PCDHA3: variants seen among roughly 807,000 people sequenced by gnomAD.
PCDHA3 encodes the protein protocadherin alpha-3.
PCDHA3 carries 41 observed loss-of-function variants against 62.2 expected under a neutral mutation model. The ratio of observed to expected loss-of-function variants is 0.66; its 90% CI spans 0.51 to 0.86. The LOEUF (loss-of-function observed/expected upper bound fraction) is 0.86. Among genes scored for constraint, PCDHA3 ranks in the 40% least tolerant of loss-of-function variants. PCDHA3 has a pLI of 0.00. For missense variants in PCDHA3, 1,304 were observed against 1,241.2 expected, an observed-to-expected ratio of 1.05 and a Z score of -0.76; for synonymous variants, 640 against 555.4, an observed-to-expected ratio of 1.15 and a Z score of -2.14.
intron 1 of PCDHA3, among the ~76,000 whole-genome samples, chr5:140,970,662 C>T (rs575204326): frequency 6.6e-6 from 1 of 152,268 alleles, no homozygotes; most frequent in South Asian, 2.1e-4. Flanking sequence ...TGTTATCTTT[C>T]CAAATAACTA....
At chr5:140,871,315 C>A (rs908582761) in intron 1 of PCDHA3, 1 of 1,613,928 alleles carries the variant, frequency 6.2e-7, no homozygotes, top group African/African-American at 1.3e-5. Context: ...GAAGCCCACG[C>A]TGGTGTGCTC....
At chr5:140,841,736 A>G in intron 1 of PCDHA3, 1 of 1,613,716 alleles carries the variant, frequency 6.2e-7, no homozygotes, top group Non-Finnish European at 8.5e-7. Context: ...AAAAGACCAA[A>G]AGCTGTTTGT....
At position 140,801,734 on chromosome 5, in the gene PCDHA3, C is replaced by T. The variant is rs1762772241; in HGVS notation, c.537C>T (p.Thr179=). 4 of 1,613,912 alleles carry T rather than the reference C, an allele frequency of 2.5e-6. No individual in the cohort carries two copies. Among genetic ancestry groups the T allele is most frequent in the South Asian group, 2.2e-5 (2 of 91,068 alleles). The change falls in exon 1 of 4, where the codon ACC becomes ACT. Residue 179 remains threonine (T), a synonymous_variant. Transcript: ENST00000522353. ...GTCTTGATTCCACTGAATATTTTAC[C>T]TTGGACGTTAAAAGAAATGATGAGG... is the stretch of plus-strand genomic sequence containing the variant. ...TYSLDSTEYF[T]LDVKRNDEEI...
At chr5:140,960,405 C>T (rs2095547214) in intron 1 of PCDHA3, among the ~76,000 whole-genome samples, 1 of 151,828 alleles carries the variant, frequency 6.6e-6, no homozygotes, top group Non-Finnish European at 1.5e-5. Context: ...AGGGGGGGTG[C>T]CCAAAAAGTC....
chr5:140,935,894 C>CTTT lies in PCDHA3; in HGVS notation c.2395-43041_2395-43039dup, dbSNP rs55841305. Among the ~76,000 whole-genome samples, 1,154 of 136,734 alleles carry CTTT rather than the reference C, an allele frequency of 8.4e-3. 14 individuals carry two copies. Among genetic ancestry groups the CTTT allele is most frequent in the East Asian group, 0.025 (118 of 4,726 alleles). 89.7% of individuals were successfully genotyped at this position (136,734 alleles called of 152,430 possible). On this transcript the variant is annotated intron_variant, in intron 1 of 3. Coordinates refer to ENST00000522353, the MANE Select transcript of PCDHA3 (RefSeq NM_018906.3). ...ATGAGCTCCAATTTATCAATATTAT[C>CTTT]TTTTTTTTTTTTTTTTGAGACAGAT...
chr5:140,927,493 C>G, intron 1 of PCDHA3: 1 of 1,614,144 alleles, frequency 6.2e-7, no homozygotes. Flanking sequence ...CACCCACCTG[C>G]TGGTGCTTAC....
intron 1 of PCDHA3, among the ~76,000 whole-genome samples, chr5:140,806,427 AATGCTTTTCC>A (rs1554123599): frequency 6.6e-6 from 1 of 152,216 alleles, no homozygotes; most frequent in Admixed American, 6.5e-5. Context: ...AATTATTTGG[AATGCTTTTCC>A]ATGCAAGCTA....
intron 1 of PCDHA3, chr5:140,863,190 G>A (rs782460122): frequency 1.3e-6 from 1 of 798,634 alleles, no homozygotes; most frequent in South Asian, 1.3e-5. Context: ...TCACCGTGGT[G>A]GCGTCGCTGG....
chr5:140,888,275 G>A (rs974764035), intron 1 of PCDHA3, among the ~76,000 whole-genome samples: 1 of 152,056 alleles, frequency 6.6e-6, no homozygotes, highest in African/African-American at 2.4e-5. Context: ...AAACAGTTTT[G>A]TCCCCTCTAC....
rs2150123679 is a variant in PCDHA3 at position 140,823,222 on chromosome 5, G to A, written c.2394+19631G>A. ...CACGGTGTCTGCACGGGACGCGGAC[G>A]CGCAGGAGAACGCCCTGGTGTCCTA... On this transcript the variant is annotated intron_variant, in intron 1 of 3. Coordinates refer to ENST00000522353, the MANE Select transcript of PCDHA3 (RefSeq NM_018906.3). The A allele has an allele frequency of 1.7e-4, 270 of 1,613,614 alleles. No homozygotes were observed. Among genetic ancestry groups the A allele is most frequent in the Non-Finnish European group, 2.1e-4 (251 of 1,179,816 alleles).
intron 1 of PCDHA3, among the ~76,000 whole-genome samples, chr5:140,947,229 G>GA (rs201242412): frequency 9.4e-5 from 14 of 148,904 alleles, no homozygotes; most frequent in South Asian, 2.1e-4. Context: ...TTTATGACAG[G>GA]AAAAAAAAAT....
At chr5:140,829,527 C>T (rs113031368) in intron 1 of PCDHA3, 1 of 1,613,148 alleles carries the variant, frequency 6.2e-7, no homozygotes, top group African/African-American at 1.3e-5. Flanking sequence ...ACGGTGTCTG[C>T]GCGAGACGCG....
intron 1 of PCDHA3, chr5:140,856,583 C>T: frequency 1.9e-6 from 3 of 1,597,002 alleles, no homozygotes; most frequent in Non-Finnish European, 2.6e-6. Flanking sequence ...GTATTTTGTT[C>T]TTGATATTAT....
Position 140,979,003 on chromosome 5 carries a change from C to G in PCDHA3, c.2449C>G (p.His817Asp). ...RYSASLRAGM[H>D]SSVHLEEAGI... Reference sequence around the variant, plus strand: ...CTCTGCCTCCCTGAGAGCAGGCATGCACAGGTATGTATTTCCCTCCTCATT... The same window carrying G: ...CTCTGCCTCCCTGAGAGCAGGCATGGACAGGTATGTATTTCCCTCCTCATT... The change falls in exon 2 of 4, where the codon CAC becomes GAC. Residue 817 changes from histidine (H) to aspartate (D), a missense_variant. By Grantham distance (81) the His-to-Asp change is moderately conservative. Transcript: ENST00000522353. 1.2e-6 allele frequency: 2 copies of G among 1,614,144 alleles called. No homozygotes were observed. The highest frequency in any genetic ancestry group is 1.7e-6 in the Non-Finnish European group (2 of 1,180,022).
chr5:140,842,949 C>G lies in PCDHA3; in HGVS notation c.2394+39358C>G, dbSNP rs6889154. On this transcript the variant is annotated intron_variant, in intron 1 of 3. Coordinates refer to ENST00000522353, the MANE Select transcript of PCDHA3 (RefSeq NM_018906.3). ...GTGAGCGCGCGCGACGCGGGCGTGC[C>G]GCCTCTGGGCAGCAACGTGACGCTG... 8 of 1,594,550 alleles carry G rather than the reference C, an allele frequency of 5.0e-6. 1 individual carries two copies. The highest frequency in any genetic ancestry group is 1.3e-5 in the African/African-American group (1 of 74,346).
chr5:140,842,553 G>A (rs144906391), intron 1 of PCDHA3: 24 of 1,453,612 alleles, frequency 1.7e-5, no homozygotes. Flanking sequence ...GTGCTGGACA[G>A]CGCCCTGGAC....
chr5:140,823,950 G>A, intron 1 of PCDHA3: 1 of 1,614,000 alleles, frequency 6.2e-7, no homozygotes, highest in South Asian at 1.1e-5. Flanking sequence ...GCTCGGCGCA[G>A]CCCACCGAGG....
At chr5:140,932,066 G>C (rs1196454003) in intron 1 of PCDHA3, among the ~76,000 whole-genome samples, 1 of 151,752 alleles carries the variant, frequency 6.6e-6, no homozygotes, top group Non-Finnish European at 1.5e-5. Flanking sequence ...AAAATTATCA[G>C]TTTAAGAAAT....
At chr5:140,858,849 A>G (rs2045624236) in intron 1 of PCDHA3, 2 of 285,640 alleles carry the variant, frequency 7.0e-6, no homozygotes, top group Admixed American at 5.1e-5. Context: ...CCACTGATCT[A>G]TATCTCTTCA....
Sources: allele counts gnomAD v4.1 joint callset (sites outside exome capture counted in the v4.1 genomes callset), GRCh38; gene constraint gnomAD v4.1.1; transcripts MANE v1.5; gene names NCBI Gene and HGNC (gene_info 2026-07-23, HGNC 2026-07-21).